TUBGCP3: variants seen among roughly 807,000 people sequenced by gnomAD.
TUBGCP3 encodes the protein gamma-tubulin complex component 3.
TUBGCP3 carries 50 observed loss-of-function variants against 123.1 expected under a neutral mutation model. The ratio of observed to expected loss-of-function variants is 0.41; its 90% CI spans 0.32 to 0.51. The LOEUF is 0.51. Ranked by LOEUF, TUBGCP3 falls within the 20% of genes least tolerant of loss-of-function variation. The pLI is 0.36. For synonymous variants in TUBGCP3, 405 were observed against 413.9 expected (o/e 0.98, Z 0.26); for missense variants, 882 against 1,127.0 (o/e 0.78, Z 3.11).
intron 10 of TUBGCP3, 67 bp downstream of exon 10, chr13:112,547,548 CGCGCG>C: frequency 7.2e-6 from 6 of 833,952 alleles, no homozygotes; most frequent in Non-Finnish European, 9.0e-6. Context: ...ATGGGAAAGT[CGCGCG>C]TGGGAAAGTC....
chr13:112,553,707 C>T (rs991355777), intron 8 of TUBGCP3, among the ~76,000 whole-genome samples: 5 of 152,228 alleles, frequency 3.3e-5, no homozygotes, highest in South Asian at 2.1e-4. Context: ...CAGGCCCCGT[C>T]CCAGCAGGGC....
At chr13:112,501,779 AACG>A (rs1880922209) in intron 19 of TUBGCP3, among the ~76,000 whole-genome samples, 2 of 152,320 alleles carry the variant, frequency 1.3e-5, no homozygotes, top group South Asian at 4.1e-4. Context: ...TGACACCTTC[AACG>A]ACGTCAGGTG....
chr13:112,512,539 GC>G (rs1487934510), intron 17 of TUBGCP3, among the ~76,000 whole-genome samples: 2 of 150,906 alleles, frequency 1.3e-5, no homozygotes, highest in East Asian at 3.9e-4. Context: ...CTTGAGACCA[GC>G]CTGGCCAACA....
chr13:112,509,383 G>T (rs982544912), intron 17 of TUBGCP3, among the ~76,000 whole-genome samples: 1 of 152,214 alleles, frequency 6.6e-6, no homozygotes, highest in Non-Finnish European at 1.5e-5. Context: ...GGCCCTCAAT[G>T]ATGATTTCCT....
At chr13:112,578,698 T>C (rs2139314891) in intron 1 of TUBGCP3, among the ~76,000 whole-genome samples, 1 of 152,114 alleles carries the variant, frequency 6.6e-6, no homozygotes, top group African/African-American at 2.4e-5. Flanking sequence ...CACCACCTGT[T>C]TCTTTGTTTG....
intron 8 of TUBGCP3, among the ~76,000 whole-genome samples, chr13:112,550,971 T>A (rs548737193): frequency 3.7e-4 from 57 of 152,154 alleles, no homozygotes; most frequent in African/African-American, 1.0e-3. Context: ...TGGTGGTGGG[T>A]GCCTGTGGTT....
chr13:112,541,541 CAAAAAAA>C (rs57599177), intron 11 of TUBGCP3, among the ~76,000 whole-genome samples: 1 of 102,804 alleles, frequency 9.7e-6, no homozygotes, highest in African/African-American at 3.1e-5. Context: ...GACTCCGTCT[CAAAAAAA>C]AAAAAAAAAA....
chr13:112,552,133 A>G (rs890210587), intron 8 of TUBGCP3, among the ~76,000 whole-genome samples: 7 of 152,214 alleles, frequency 4.6e-5, no homozygotes, highest in Non-Finnish European at 8.8e-5. Flanking sequence ...ACCGGTCCAC[A>G]GTCCAGGAAC....
rs983235457 is a variant in TUBGCP3, at chr13:112,547,373, C to T, written c.1168+247G>A. 3 of 529,254 alleles carry T rather than the reference C, an allele frequency of 5.7e-6. No individual in the cohort carries two copies. The African/African-American group carries it at 5.8e-5, about 10-fold the overall frequency. The allele number at this position is 529,254 out of a possible 1,614,324, so 32.8% of individuals were successfully genotyped here. On this transcript the variant is annotated intron_variant, in intron 10 of 21. Transcript: ENST00000261965. Reference sequence around the variant, plus strand: ...GGCCACACTGGCAAGTGGTTACGTCCCCTCTTGGCTCCCATCTGTCGATTC... The same window carrying T: ...GGCCACACTGGCAAGTGGTTACGTCTCCTCTTGGCTCCCATCTGTCGATTC...
intron 20 of TUBGCP3, 23 bp from the exon 21 acceptor site, chr13:112,489,720 T>C (rs1879944597): frequency 1.9e-6 from 3 of 1,588,598 alleles, no homozygotes; most frequent in Non-Finnish European, 1.7e-6. Context: ...AAGTACCAAA[T>C]GTCAGTAAAA....
intron 3 of TUBGCP3, among the ~76,000 whole-genome samples, chr13:112,559,870 C>CA (rs1387514330): frequency 1.3e-5 from 2 of 152,214 alleles, no homozygotes; most frequent in African/African-American, 4.8e-5. Context: ...AACAGGGGCT[C>CA]ACGCCTGTAA....
At chr13:112,552,759 C>A (rs1879687197) in intron 8 of TUBGCP3, among the ~76,000 whole-genome samples, 1 of 151,856 alleles carries the variant, frequency 6.6e-6, no homozygotes, top group Non-Finnish European at 1.5e-5. Context: ...CTCCTCCCCA[C>A]CAGCCACGCT....
chr13:112,526,665 ACATCATCACATCAC>A lies in TUBGCP3; in HGVS notation c.1555+263_1555+276del, dbSNP rs1877143998. Among the ~76,000 whole-genome samples, 3 of 145,056 alleles carry A rather than the reference ACATCATCACATCAC, an allele frequency of 2.1e-5. No homozygotes were observed. The South Asian group carries it at 6.8e-4, about 33-fold the overall frequency. On this transcript the variant is annotated intron_variant, in intron 13 of 21. Coordinates refer to ENST00000261965, the MANE Select transcript of TUBGCP3 (RefSeq NM_006322.6). The stretch of plus-strand genomic sequence containing the variant: ...ATCACATCCCCATCATCCATCCCCA[ACATCATCACATCAC>A]CATCATCACACCACCATCATTACCC...
chr13:112,583,805 G>A (rs1448613152), intron 1 of TUBGCP3, among the ~76,000 whole-genome samples: 1 of 152,182 alleles, frequency 6.6e-6, no homozygotes, highest in Admixed American at 6.5e-5. Flanking sequence ...GGAGGGGTCA[G>A]GAGGGCGTTG....
intron 11 of TUBGCP3, among the ~76,000 whole-genome samples, chr13:112,542,322 A>G (rs1005274581): frequency 2.0e-5 from 3 of 152,220 alleles, no homozygotes; most frequent in Non-Finnish European, 4.4e-5. Flanking sequence ...ACAGGTTTTT[A>G]AACAGCTATC....
At chr13:112,541,297 T>C (rs554879688) in intron 11 of TUBGCP3, among the ~76,000 whole-genome samples, 6 of 152,176 alleles carry the variant, frequency 3.9e-5, no homozygotes, top group Admixed American at 3.9e-4. Flanking sequence ...ATCCCAACAC[T>C]TTGGGAGGCC....
intron 6 of TUBGCP3, 151 bp from the exon 7 acceptor site, chr13:112,555,156 G>C: frequency 1.7e-6 from 1 of 594,818 alleles, no homozygotes. Context: ...AAGAGTATGA[G>C]ATTAGAAAGA....
chr13:112,542,883 C>G (rs191154524), intron 11 of TUBGCP3, among the ~76,000 whole-genome samples: 67 of 152,206 alleles, frequency 4.4e-4, no homozygotes, highest in African/African-American at 1.6e-3. Flanking sequence ...CACGGTGGCT[C>G]ACGCCTGTAA....
upstream of TUBGCP3, among the ~76,000 whole-genome samples, chr13:112,591,921 T>C (rs990147973): frequency 2.0e-5 from 3 of 152,296 alleles, no homozygotes; most frequent in African/African-American, 7.2e-5. Flanking sequence ...CCCCTTTACA[T>C]TGGGAACAAA....
Sources: allele counts gnomAD v4.1 joint callset (sites outside exome capture counted in the v4.1 genomes callset), GRCh38; gene constraint gnomAD v4.1.1; transcripts MANE v1.5; gene names NCBI Gene and HGNC (gene_info 2026-07-23, HGNC 2026-07-21).